Variants in FHIT observed in about 807,000 individuals in gnomAD.
The protein encoded by FHIT is fragile histidine triad diadenosine triphosphatase.
A neutral mutation model predicts 17.9 loss-of-function variants in FHIT; 19 were observed. That is an observed-to-expected ratio of 1.06 (90% confidence interval 0.74 to 1.56). The LOEUF is 1.56. FHIT is among the 40% of genes most tolerant of loss of function. FHIT has a pLI of 0.00. For missense variants in FHIT, 248 were observed against 189.2 expected (o/e 1.31, Z -1.82); for synonymous variants, 81 against 69.7 (o/e 1.16, Z -0.81).
chr3:60,945,221 G>A (rs953307218), intron 3 of FHIT, among the ~76,000 whole-genome samples: 1 of 152,068 alleles, frequency 6.6e-6, no homozygotes, highest in Non-Finnish European at 1.5e-5. Flanking sequence ...ACAAAAGCAA[G>A]AGCAAATACA....
At chr3:60,903,163 T>C (rs1402875032) in intron 3 of FHIT, among the ~76,000 whole-genome samples, 1 of 152,046 alleles carries the variant, frequency 6.6e-6, no homozygotes, top group African/African-American at 2.4e-5. Flanking sequence ...CACAAAATAA[T>C]TTGTATATGA....
intron 2 of FHIT, among the ~76,000 whole-genome samples, chr3:61,095,221 T>G (rs982209147): frequency 6.6e-5 from 10 of 152,304 alleles, no homozygotes; most frequent in Admixed American, 2.0e-4. Context: ...TATAATAATA[T>G]CTATACAATG....
At chr3:60,768,460 C>T (rs1699924447) in intron 4 of FHIT, among the ~76,000 whole-genome samples, 1 of 152,192 alleles carries the variant, frequency 6.6e-6, no homozygotes. Context: ...TTCATAAAAG[C>T]TATTTAGTAT....
intron 1 of FHIT, among the ~76,000 whole-genome samples, chr3:61,232,514 G>A (rs1352749851): frequency 6.6e-6 from 1 of 152,184 alleles, no homozygotes; most frequent in African/African-American, 2.4e-5. Context: ...GAGGAGGAGG[G>A]GTTGGCTCTC....
At chr3:60,669,808 A>G (rs576494667) in intron 4 of FHIT, among the ~76,000 whole-genome samples, 1 of 152,312 alleles carries the variant, frequency 6.6e-6, no homozygotes, top group African/African-American at 2.4e-5. Context: ...ATAGAAAAGC[A>G]AGCAGGAAGA....
chr3:60,378,049 CAG>C (rs1250870810), intron 5 of FHIT, among the ~76,000 whole-genome samples: 3 of 152,088 alleles, frequency 2.0e-5, no homozygotes, highest in Admixed American at 6.5e-5. Context: ...TTTTTTGAGA[CAG>C]AGTCTCACCC....
intron 7 of FHIT, among the ~76,000 whole-genome samples, chr3:59,982,792 C>T (rs1708710936): frequency 6.6e-6 from 1 of 152,096 alleles, no homozygotes; most frequent in Non-Finnish European, 1.5e-5. Flanking sequence ...AGCACATCAG[C>T]CCCAGTCCCT....
At chr3:60,259,959 C>T (rs1020440255) in intron 5 of FHIT, among the ~76,000 whole-genome samples, 1 of 151,946 alleles carries the variant, frequency 6.6e-6, no homozygotes, top group Non-Finnish European at 1.5e-5. Context: ...GCAATGGATA[C>T]CCCTGTACCA....
rs568359587 is a variant in FHIT, at chr3:60,578,991, A to G, written c.-17-42012T>C. 1.4e-3 allele frequency among the ~76,000 whole-genome samples: 212 copies of G among 152,308 alleles called. 1 individual carries two copies. The highest frequency in any genetic ancestry group is 4.9e-3 in the African/African-American group (204 of 41,570). On this transcript the variant is annotated intron_variant, in intron 4 of 9. Transcript: ENST00000492590. ...AGGGAATTTTACAATCTGATCTTCA[A>G]TGTTATCTCAAGAAATGCTGTTATA...
intron 5 of FHIT, among the ~76,000 whole-genome samples, chr3:60,371,797 T>C (rs561748907): frequency 1.3e-5 from 2 of 151,964 alleles, no homozygotes; most frequent in African/African-American, 4.8e-5. Flanking sequence ...AGAGCAATGA[T>C]TGATTATTTG....
At chr3:59,910,589 G>A (rs902781270) in intron 8 of FHIT, among the ~76,000 whole-genome samples, 1 of 152,074 alleles carries the variant, frequency 6.6e-6, no homozygotes, top group African/African-American at 2.4e-5. Flanking sequence ...AGATGGGTAG[G>A]TCTTGAGTTA....
chr3:60,796,369 T>C (rs2736731), intron 4 of FHIT, among the ~76,000 whole-genome samples: 59,763 of 151,818 alleles, frequency 0.39, 13,181 homozygotes, highest in East Asian at 0.78. Flanking sequence ...TTTTGGCTGT[T>C]CCTTTCTTAA....
chr3:60,899,836 G>T (rs1706015711), intron 3 of FHIT, among the ~76,000 whole-genome samples: 1 of 152,142 alleles, frequency 6.6e-6, no homozygotes, highest in Non-Finnish European at 1.5e-5. Flanking sequence ...GATGGAATGT[G>T]ATAATAAAGA....
At chr3:59,844,618 G>A (rs1335622229) in intron 8 of FHIT, among the ~76,000 whole-genome samples, 1 of 152,108 alleles carries the variant, frequency 6.6e-6, no homozygotes, top group African/African-American at 2.4e-5. Flanking sequence ...GTGATGTATT[G>A]TATTGGTTGA....
At chr3:60,073,946 T>C (rs907899847) in intron 5 of FHIT, among the ~76,000 whole-genome samples, 2 of 152,176 alleles carry the variant, frequency 1.3e-5, no homozygotes, top group Non-Finnish European at 2.9e-5. Context: ...ATTCACTCTC[T>C]CTTTACTTCT....
intron 4 of FHIT, among the ~76,000 whole-genome samples, chr3:60,637,955 A>G (rs1387433160): frequency 6.6e-6 from 1 of 152,208 alleles, no homozygotes; most frequent in African/African-American, 2.4e-5. Flanking sequence ...AACCTACTAG[A>G]GTAATGTCAA....
chr3:59,966,551 A>G (rs1707934798), intron 7 of FHIT, among the ~76,000 whole-genome samples: 1 of 152,204 alleles, frequency 6.6e-6, no homozygotes, highest in Non-Finnish European at 1.5e-5. Context: ...TATACCCTTC[A>G]GCTCCTAGGT....
intron 7 of FHIT, among the ~76,000 whole-genome samples, chr3:59,965,600 G>A (rs548954591): frequency 6.6e-6 from 1 of 152,182 alleles, no homozygotes; most frequent in East Asian, 1.9e-4. Flanking sequence ...CCTCAACAAA[G>A]CTGAGAGGTA....
rs117668634 is a variant in FHIT at position 60,065,988 on chromosome 3, C to T, written c.104-51836G>A. Among the ~76,000 whole-genome samples, 231 of 152,310 alleles carry T rather than the reference C, an allele frequency of 1.5e-3. 4 individuals carry two copies. In the East Asian group the frequency reaches 0.03, roughly 19 times the overall value. On this transcript the variant is annotated intron_variant, in intron 5 of 9. Coordinates refer to ENST00000492590, the MANE Select transcript of FHIT (RefSeq NM_002012.4). ...ACAATCACTAAGACACTGCCTACCT[C>T]CAGGAGGTCTTCTTGTTACCAAAGA...
Sources: allele counts gnomAD v4.1 joint callset (sites outside exome capture counted in the v4.1 genomes callset), GRCh38; gene constraint gnomAD v4.1.1; transcripts MANE v1.5; gene names NCBI Gene and HGNC (gene_info 2026-07-23, HGNC 2026-07-21).